The following PDGFRB variants were observed in gnomAD, a reference collection of about 807,000 sequenced individuals.
PDGFRB encodes the protein platelet derived growth factor receptor beta, also known as platelet-derived growth factor receptor beta.
Under a neutral mutation model 120.2 loss-of-function variants are expected in PDGFRB, and 42 were observed. The ratio of observed to expected loss-of-function variants is 0.35; its 90% CI spans 0.27 to 0.45. The LOEUF is 0.45. PDGFRB is among the 20% of genes least tolerant of loss of function. PDGFRB has a pLI of 1.00. For synonymous variants in PDGFRB, 586 were observed against 606.8 expected, an observed-to-expected ratio of 0.97 and a Z score of 0.50; for missense variants, 1,149 against 1,476.3, an observed-to-expected ratio of 0.78 and a Z score of 3.63.
At chr5:150,123,651 A>G (rs1760209438) in intron 14 of PDGFRB, among the ~76,000 whole-genome samples, 1 of 152,250 alleles carries the variant, frequency 6.6e-6, no homozygotes, top group Admixed American at 6.5e-5. Flanking sequence ...GAACTTGAAG[A>G]TATCTACACA....
intron 8 of PDGFRB, 42 bp downstream of exon 8, chr5:150,131,927 CGGGGGCAGGG>C: frequency 1.0e-6 from 1 of 953,326 alleles, no homozygotes; most frequent in Non-Finnish European, 1.7e-6. Context: ...GGAGAGGGAA[CGGGGGCAGGG>C]AGGGGAAGGA....
Position 150,118,817 on chromosome 5 carries a change from A to T in PDGFRB, c.2834T>A (p.Phe945Tyr). ...EIMQKCWEEK[F>Y]EIRPPFSQLV... The stretch of plus-strand genomic sequence containing the variant: ...CTGGGAGAAGGGGGGCCGAATCTCA[A>T]ACTTCTCTTCCCAGCACTTCTGCAT... Residue 945 changes from phenylalanine (F) to tyrosine (Y), a missense_variant, in exon 21 of 23, where the codon TTT becomes TAT. Phe to Tyr is a conservative substitution (Grantham distance 22). Around this residue, in one of 3 missense-constraint regions of PDGFRB, gnomAD observed 202 missense variants for 214.3 expected, o/e 0.94. Transcript: ENST00000261799. 2 of 1,613,130 alleles carry T rather than the reference A, an allele frequency of 1.2e-6. No homozygotes were observed. The highest frequency in any genetic ancestry group is 8.5e-7 in the Non-Finnish European group (1 of 1,179,186).
At chr5:150,147,377 C>T (rs908395192) in intron 1 of PDGFRB, among the ~76,000 whole-genome samples, 5 of 152,176 alleles carry the variant, frequency 3.3e-5, no homozygotes, top group African/African-American at 7.2e-5. Flanking sequence ...GAGGGGGGTG[C>T]GGCAGGCGCA....
At chr5:150,145,447 C>A in intron 1 of PDGFRB, among the ~76,000 whole-genome samples, 1 of 152,230 alleles carries the variant, frequency 6.6e-6, no homozygotes, top group East Asian at 1.9e-4. Flanking sequence ...TTATCACCCA[C>A]TATCTATGCT....
chr5:150,144,264 G>A (rs1300562163), intron 1 of PDGFRB, among the ~76,000 whole-genome samples: 3 of 151,940 alleles, frequency 2.0e-5, no homozygotes, highest in Non-Finnish European at 4.4e-5. Flanking sequence ...TGACCTCTCC[G>A]GCCCTCCTCT....
chr5:150,136,554 C>T (rs1170798028), intron 2 of PDGFRB, among the ~76,000 whole-genome samples: 7 of 152,152 alleles, frequency 4.6e-5, no homozygotes, highest in Admixed American at 4.6e-4. Flanking sequence ...AGGCTGCTGG[C>T]TGGTCATTAA....
At chr5:150,149,606 G>T (rs1761016544) in intron 1 of PDGFRB, among the ~76,000 whole-genome samples, 1 of 152,146 alleles carries the variant, frequency 6.6e-6, no homozygotes, top group Non-Finnish European at 1.5e-5. Flanking sequence ...TCAGCAGATA[G>T]GCCCTGGGTT....
chr5:150,124,589 G>A (rs544632149), intron 13 of PDGFRB, 138 bp downstream of exon 13: 10 of 623,012 alleles, frequency 1.6e-5, no homozygotes, highest in Non-Finnish European at 2.9e-5. Context: ...CCAGACTCGG[G>A]AGCAGTGCCT....
At chr5:150,126,448 G>A (rs541058469) in intron 11 of PDGFRB, 72 bp downstream of exon 11, 10 of 851,570 alleles carry the variant, frequency 1.2e-5, no homozygotes, top group Middle Eastern at 2.2e-4. Flanking sequence ...CATTCAAGGA[G>A]GGCAGAGGGG....
intron 1 of PDGFRB, among the ~76,000 whole-genome samples, chr5:150,152,803 G>A (rs891725110): frequency 1.3e-5 from 2 of 152,224 alleles, no homozygotes; most frequent in African/African-American, 4.8e-5. Flanking sequence ...GGCCAGGAGA[G>A]CAGTGGTTCT....
intron 3 of PDGFRB, 23 bp from the exon 4 acceptor site, chr5:150,135,039 T>C (rs1222856140): frequency 1.6e-6 from 2 of 1,289,106 alleles, no homozygotes; most frequent in Admixed American, 1.8e-5. Flanking sequence ...GAGCCGTGAA[T>C]AAATCAGGGG....
rs1429415497 is a variant in PDGFRB at position 150,117,647 on chromosome 5, G to A, written c.3108C>T (p.Gly1036=). ...PDPKPEVADE[G]PLEGSPSLAS... Reference sequence around the variant, plus strand: ...CTAGGCTGGGGGAACCCTCCAGTGGGCCCTCGTCAGCAACCTCGGGTTTGG... The same window carrying A: ...CTAGGCTGGGGGAACCCTCCAGTGGACCCTCGTCAGCAACCTCGGGTTTGG... The change falls in exon 22 of 23, where the codon GGC becomes GGT. Residue 1036 remains glycine (G), a synonymous_variant. Coordinates refer to ENST00000261799, the MANE Select transcript of PDGFRB (RefSeq NM_002609.4). 3 of 1,612,768 alleles carry A rather than the reference G, an allele frequency of 1.9e-6. No individual in the cohort carries two copies. Among genetic ancestry groups the A allele is most frequent in the Middle Eastern group, 1.7e-4 (1 of 6,050 alleles).
chr5:150,144,153 G>A (rs374145772), intron 1 of PDGFRB, among the ~76,000 whole-genome samples: 4 of 152,044 alleles, frequency 2.6e-5, no homozygotes, highest in African/African-American at 7.2e-5. Flanking sequence ...GCACAGGCTC[G>A]GCTGCCTCTG....
chr5:150,125,647 G>T, intron 11 of PDGFRB, 70 bp from the exon 12 acceptor site: 1 of 1,495,506 alleles, frequency 6.7e-7, no homozygotes, highest in Non-Finnish European at 9.2e-7. Flanking sequence ...AGGTTCGTCC[G>T]TCTAGGACAC....
intron 15 of PDGFRB, 78 bp downstream of exon 15, chr5:150,122,964 C>G: frequency 7.5e-7 from 1 of 1,337,450 alleles, no homozygotes; most frequent in African/African-American, 1.4e-5. Context: ...TCAGCTTCCC[C>G]TCCTGGACAA....
chr5:150,118,605 T>C, intron 21 of PDGFRB, 142 bp downstream of exon 21: 1 of 667,598 alleles, frequency 1.5e-6, no homozygotes, highest in East Asian at 2.8e-5. Flanking sequence ...CATCCCCTCC[T>C]AGAACCAGCA....
chr5:150,125,032 A>C (rs974321760), intron 12 of PDGFRB, among the ~76,000 whole-genome samples: 2 of 152,044 alleles, frequency 1.3e-5, no homozygotes, highest in Non-Finnish European at 2.9e-5. Flanking sequence ...ACACTCCTGC[A>C]ACCACAATAC....
In PDGFRB at chr5:150,135,777, T is replaced by C. The variant is rs1323411468; in HGVS notation, c.142A>G (p.Ser48Gly). ...CCCGAGCAGGTCAGAACGAAGGTGC[T>C]GGAGACATTGAGGACAAGCTCTGGC... ...PGPELVLNVS[S>G]TFVLTCSGSA... The change falls in exon 3 of 23, where the codon AGC becomes GGC. Residue 48 changes from serine to glycine, a missense_variant. Physicochemically the swap from Ser to Gly is moderately conservative, Grantham distance 56. Coordinates refer to ENST00000261799, the MANE Select transcript of PDGFRB (RefSeq NM_002609.4). 2 of 1,611,114 alleles carry C rather than the reference T, an allele frequency of 1.2e-6. No individual in the cohort carries two copies. The highest frequency in any genetic ancestry group is 2.2e-5 in the East Asian group (1 of 44,822).
At position 150,115,674 on chromosome 5, in the gene PDGFRB, C is replaced by T; in HGVS notation, c.*89G>A. The T allele has an allele frequency of 7.7e-7, 1 of 1,291,528 alleles. No homozygotes were observed. The highest frequency in any genetic ancestry group is 1.0e-6 in the Non-Finnish European group (1 of 955,864). 80.0% of individuals were successfully genotyped at this position (1,291,528 alleles called of 1,614,324 possible). ...GGGACAGCTGATAAGGGCAGCCTGG[C>T]TGACAGGAAGCCCGGTCAGGCCAGG... is the stretch of plus-strand genomic sequence containing the variant. On this transcript the variant is annotated 3_prime_UTR_variant, in exon 23 of 23. Coordinates refer to ENST00000261799, the MANE Select transcript of PDGFRB (RefSeq NM_002609.4).
Sources: gnomAD v4.1 joint callset for allele counts (sites outside exome capture counted in the v4.1 genomes callset) on GRCh38, gnomAD v4.1.1 for gene constraint, gnomAD v4.1.1 regional missense constraint, MANE v1.5 for transcripts, NCBI Gene and HGNC (gene_info 2026-07-23, HGNC 2026-07-21) for gene names.